The following TACC2 variants were observed in gnomAD, a reference collection of about 807,000 sequenced individuals.
TACC2 encodes the protein transforming acidic coiled-coil containing protein 2.
TACC2 carries 137 observed loss-of-function variants against 227.3 expected under a neutral mutation model. The observed-to-expected ratio is 0.60, with a 90% CI of 0.52 to 0.69. The LOEUF (loss-of-function observed/expected upper bound fraction) is 0.69. Ranked by LOEUF, TACC2 falls within the 30% of genes least tolerant of loss-of-function variation. TACC2 has a pLI of 0.00. For missense variants in TACC2, 3,470 were observed against 3,694.4 expected (o/e 0.94, Z 1.57); for synonymous variants, 1,523 against 1,487.5 (o/e 1.02, Z -0.55).
intron 5 of TACC2, among the ~76,000 whole-genome samples, chr10:122,092,254 C>A (rs1228536006): frequency 6.6e-6 from 1 of 152,134 alleles, no homozygotes; most frequent in East Asian, 1.9e-4. Context: ...TTTTTTACCC[C>A]CTACTGCACA....
intron 6 of TACC2, among the ~76,000 whole-genome samples, chr10:122,140,381 T>C (rs902194519): frequency 1.3e-5 from 2 of 152,218 alleles, no homozygotes; most frequent in African/African-American, 4.8e-5. Flanking sequence ...AATCAACATA[T>C]CCTTCCTCTT....
chr10:122,174,720 T>G (rs1405755234), intron 7 of TACC2, among the ~76,000 whole-genome samples: 1 of 152,200 alleles, frequency 6.6e-6, no homozygotes, highest in Non-Finnish European at 1.5e-5. Context: ...CTGTTACCAA[T>G]TTTCAAGTAT....
intron 6 of TACC2, among the ~76,000 whole-genome samples, chr10:122,135,043 C>T (rs1016432890): frequency 6.6e-5 from 10 of 152,196 alleles, no homozygotes; most frequent in Non-Finnish European, 1.0e-4. Context: ...AATCCTCATG[C>T]CAGCTGTAGA....
chr10:122,115,355 G>T (rs1281572084), intron 5 of TACC2, among the ~76,000 whole-genome samples: 1 of 152,164 alleles, frequency 6.6e-6, no homozygotes, highest in Non-Finnish European at 1.5e-5. Flanking sequence ...GGCAGGCTTT[G>T]TGGTGAAGGA....
chr10:122,228,817 C>A (rs2095677558), intron 14 of TACC2, among the ~76,000 whole-genome samples: 1 of 152,076 alleles, frequency 6.6e-6, no homozygotes, highest in Non-Finnish European at 1.5e-5. Flanking sequence ...GTGAATCAAT[C>A]TCTCACATGA....
intron 2 of TACC2, among the ~76,000 whole-genome samples, chr10:122,028,080 C>CT (rs1958294754): frequency 2.6e-5 from 3 of 113,724 alleles, no homozygotes; most frequent in African/African-American, 1.2e-4. Context: ...TTCTTTCTTT[C>CT]TTTCTTTTTT....
At chr10:122,031,554 A>G (rs903943709) in intron 2 of TACC2, among the ~76,000 whole-genome samples, 2 of 144,518 alleles carry the variant, frequency 1.4e-5, no homozygotes, top group Admixed American at 6.8e-5. Context: ...ATAGGCGCCC[A>G]CCACTGCGCC....
chr10:121,994,945 G>T (rs1009340614), intron 1 of TACC2, among the ~76,000 whole-genome samples: 1 of 152,130 alleles, frequency 6.6e-6, no homozygotes, highest in African/African-American at 2.4e-5. Context: ...TCTAGACCTC[G>T]ATCTCTTCAT....
intron 7 of TACC2, among the ~76,000 whole-genome samples, chr10:122,172,802 G>T (rs557832826): frequency 5.3e-5 from 8 of 152,040 alleles, no homozygotes; most frequent in Non-Finnish European, 8.8e-5. Context: ...AGAGCCAGGA[G>T]TGCACAGAGG....
chr10:122,028,409 A>AT (rs1958375217), intron 2 of TACC2, among the ~76,000 whole-genome samples: 1 of 151,896 alleles, frequency 6.6e-6, no homozygotes, highest in South Asian at 2.1e-4. Flanking sequence ...TTTCATTATC[A>AT]TTTTTTGTAA....
At chr10:122,146,393 A>AC (rs2091380314) in intron 7 of TACC2, among the ~76,000 whole-genome samples, 1 of 152,036 alleles carries the variant, frequency 6.6e-6, no homozygotes, top group African/African-American at 2.4e-5. Context: ...CTGAAACTTA[A>AC]CCCCCAATCT....
chr10:122,121,199 T>A (rs547218505), intron 5 of TACC2, among the ~76,000 whole-genome samples: 1 of 152,320 alleles, frequency 6.6e-6, no homozygotes, highest in South Asian at 2.1e-4. Flanking sequence ...TTTGAAACAG[T>A]ACATTCTGTA....
chr10:122,215,473 G>T, intron 10 of TACC2, 22 bp downstream of exon 10: 1 of 1,610,112 alleles, frequency 6.2e-7, no homozygotes, highest in Non-Finnish European at 8.5e-7. Context: ...CTTTGATCTT[G>T]ATGGTTTTAT....
At position 122,063,379 on chromosome 10, in the gene TACC2, CAT is replaced by C. The variant is rs1239540045; in HGVS notation, c.146+12830_146+12831del. On this transcript the variant is annotated intron_variant, in intron 3 of 22. Transcript: ENST00000369005. ...GCCCCTCCTTGTCCTGCTTCTGACT[CAT>C]TATTTATCTTTGGCAGGAAGTAAAC... 5.3e-5 allele frequency among the ~76,000 whole-genome samples: 8 copies of C among 152,288 alleles called. No homozygotes were observed. The East Asian group carries it at 1.5e-3, about 29-fold the overall frequency.
At chr10:122,032,161 G>A (rs897016254) in intron 2 of TACC2, among the ~76,000 whole-genome samples, 1 of 152,194 alleles carries the variant, frequency 6.6e-6, no homozygotes, top group African/African-American at 2.4e-5. Flanking sequence ...GGGCCCAGCT[G>A]TATACCAGCC....
chr10:122,119,726 C>A (rs904386243), intron 5 of TACC2, among the ~76,000 whole-genome samples: 9 of 152,118 alleles, frequency 5.9e-5, no homozygotes, highest in Non-Finnish European at 1.3e-4. Context: ...CCAGCCTGGC[C>A]AACATGGCAA....
Position 122,196,594 on chromosome 10 carries a change from C to T in TACC2, c.5971+1418C>T, listed in dbSNP as rs142627403. Among the ~76,000 whole-genome samples the T allele has an allele frequency of 8.1e-3, 1,234 of 152,236 alleles. 4 individuals carry two copies. The highest frequency in any genetic ancestry group is 0.012 in the Non-Finnish European group (845 of 68,024). ...ACCAAGCATATAAAACTGTATTTCT[C>T]GTAATATTTTTAAAAACTTACCCAT... On this transcript the variant is annotated intron_variant, in intron 8 of 22. Coordinates refer to ENST00000369005, the MANE Select transcript of TACC2 (RefSeq NM_206862.4).
intron 20 of TACC2, 102 bp from the exon 21 acceptor site, chr10:122,248,948 C>T (rs1362867543): frequency 1.3e-5 from 20 of 1,481,918 alleles, no homozygotes; most frequent in African/African-American, 4.1e-5. Flanking sequence ...CAGACTTGGC[C>T]GCCTGGGGTT....
At chr10:122,229,722 G>T (rs2095698656) in intron 15 of TACC2, among the ~76,000 whole-genome samples, 1 of 152,106 alleles carries the variant, frequency 6.6e-6, no homozygotes, top group South Asian at 2.1e-4. Context: ...TTTACAAACT[G>T]GGCCCAAATA....
Sources: gnomAD v4.1 joint callset for allele counts (sites outside exome capture counted in the v4.1 genomes callset) on GRCh38, gnomAD v4.1.1 for gene constraint, MANE v1.5 for transcripts, NCBI Gene and HGNC (gene_info 2026-07-23, HGNC 2026-07-21) for gene names.